The following PHACTR4 variants were observed in gnomAD, a reference collection of about 807,000 sequenced individuals.
PHACTR4 encodes the protein protein phosphatase 1, regulatory subunit 124.
PHACTR4 carries 51 observed loss-of-function variants against 72.7 expected under a neutral mutation model. The ratio of observed to expected loss-of-function variants is 0.70; its 90% CI spans 0.56 to 0.89. The LOEUF is 0.89. PHACTR4 is among the 40% of genes least tolerant of loss of function. The pLI is 0.00. For synonymous variants in PHACTR4, 255 were observed against 302.5 expected (o/e 0.84, Z 1.63); for missense variants, 731 against 861.8 (o/e 0.85, Z 1.90).
At chr1:28,440,307 G>GAAAAAAAAAAAAAAAAAAAAAAAAAAAAA (rs1206889147) in intron 2 of PHACTR4, among the ~76,000 whole-genome samples, 1 of 82,116 alleles carries the variant, frequency 1.2e-5, no homozygotes, top group Non-Finnish European at 2.2e-5. Flanking sequence ...GTCTCAAAAA[G>GAAAAAAAAAAAAAAAAAAAAAAAAAAAAA]AAAAAAAAAA....
intron 4 of PHACTR4, among the ~76,000 whole-genome samples, chr1:28,463,195 G>GT (rs889476599): frequency 7.5e-4 from 110 of 147,018 alleles, no homozygotes; most frequent in African/African-American, 1.3e-3. Flanking sequence ...GTGAGACCCT[G>GT]TTTTTTTTTT....
intron 2 of PHACTR4, among the ~76,000 whole-genome samples, chr1:28,427,649 G>A (rs61783833): frequency 0.13 from 20,010 of 152,092 alleles, 1,520 homozygotes; most frequent in Non-Finnish European, 0.16. Flanking sequence ...AGGCCCTTCC[G>A]CTCACCCAGT....
intron 2 of PHACTR4, among the ~76,000 whole-genome samples, chr1:28,434,874 G>C (rs542349434): frequency 1.3e-5 from 2 of 151,064 alleles, no homozygotes; most frequent in East Asian, 4.0e-4. Context: ...ATTTAAATTT[G>C]GCAGATGGTT....
intron 10 of PHACTR4, among the ~76,000 whole-genome samples, chr1:28,490,128 A>C (rs898908937): frequency 6.6e-6 from 1 of 152,344 alleles, no homozygotes; most frequent in East Asian, 1.9e-4. Flanking sequence ...TGTGAAGACT[A>C]TTCTTAGTTC....
intron 1 of PHACTR4, 63 bp from the exon 2 acceptor site, chr1:28,407,347 A>T: frequency 2.4e-6 from 2 of 830,804 alleles, no homozygotes; most frequent in Non-Finnish European, 3.8e-6. Context: ...TTATTTTTTT[A>T]AAAGCATAAA....
intron 2 of PHACTR4, among the ~76,000 whole-genome samples, chr1:28,422,051 C>G (rs1235581275): frequency 6.6e-6 from 1 of 152,186 alleles, no homozygotes; most frequent in African/African-American, 2.4e-5. Flanking sequence ...GTTACATTTT[C>G]AGCTCTCAAA....
At chr1:28,371,458 C>G (rs1312085441) in intron 1 of PHACTR4, among the ~76,000 whole-genome samples, 1 of 151,908 alleles carries the variant, frequency 6.6e-6, no homozygotes, top group Non-Finnish European at 1.5e-5. Context: ...CCATGCCCAG[C>G]TAGTTTTTGT....
At chr1:28,449,817 C>G (rs1037572442) in intron 2 of PHACTR4, among the ~76,000 whole-genome samples, 1 of 151,472 alleles carries the variant, frequency 6.6e-6, no homozygotes, top group Non-Finnish European at 1.5e-5. Context: ...GTGCCATTGC[C>G]CTCCAGCCAG....
chr1:28,380,753 A>G (rs186119210), intron 1 of PHACTR4, among the ~76,000 whole-genome samples: 208 of 152,100 alleles, frequency 1.4e-3, no homozygotes, highest in African/African-American at 4.7e-3. Flanking sequence ...TTTGATGGGC[A>G]TTTAGGTTGA....
intron 4 of PHACTR4, among the ~76,000 whole-genome samples, chr1:28,464,767 A>G (rs1022377722): frequency 7.2e-5 from 11 of 151,850 alleles, no homozygotes; most frequent in Non-Finnish European, 1.2e-4. Context: ...GCAATGACAC[A>G]ATCTTGGCTT....
rs184537145 is a variant in PHACTR4 at position 28,485,851 on chromosome 1, A to G, written c.1761-3319A>G. 5.3e-3 allele frequency among the ~76,000 whole-genome samples: 766 copies of G among 144,616 alleles called. 4 individuals are homozygous for G. The highest frequency in any genetic ancestry group is 0.019 in the African/African-American group (719 of 38,682). 94.9% of individuals were successfully genotyped at this position (144,616 alleles called of 152,430 possible). ...GAGGCAGAGGTTGCAATGAGCCAAG[A>G]TCACGCCACTGCACTCCAGCCTGGG... On this transcript the variant is annotated intron_variant, in intron 9 of 13. Transcript: ENST00000373839.
At chr1:28,373,736 A>G (rs748727752) in intron 1 of PHACTR4, among the ~76,000 whole-genome samples, 8 of 152,126 alleles carry the variant, frequency 5.3e-5, no homozygotes, top group Non-Finnish European at 8.8e-5. Context: ...TCCCAGTACC[A>G]TTTTTTAAAC....
At chr1:28,474,893 T>C (rs906851804) in intron 7 of PHACTR4, among the ~76,000 whole-genome samples, 1 of 152,076 alleles carries the variant, frequency 6.6e-6, no homozygotes, top group African/African-American at 2.4e-5. Context: ...GAATAAGTTA[T>C]AGAATTTGGA....
At chr1:28,443,195 C>G (rs1423016296) in intron 2 of PHACTR4, among the ~76,000 whole-genome samples, 1 of 152,084 alleles carries the variant, frequency 6.6e-6, no homozygotes, top group Admixed American at 6.6e-5. Flanking sequence ...CTTCCTGTTC[C>G]TAGCTTATTT....
chr1:28,440,366 A>G lies in PHACTR4; in HGVS notation c.17-18719A>G, dbSNP rs376571556. On this transcript the variant is annotated intron_variant, in intron 2 of 13. Transcript: ENST00000373839. ...ACGTTTGGTATTTGTATGCTTCTGAAAAAAAGTAAGAATCAAATTCATCAA... is the reference window on the plus strand; with the variant it reads ...ACGTTTGGTATTTGTATGCTTCTGAGAAAAAGTAAGAATCAAATTCATCAA... Among the ~76,000 whole-genome samples, 4 of 149,228 alleles carry G rather than the reference A, an allele frequency of 2.7e-5. No homozygotes were observed. The South Asian group carries it at 6.3e-4, about 24-fold the overall frequency.
At chr1:28,479,659 G>A (rs1009537439) in intron 8 of PHACTR4, among the ~76,000 whole-genome samples, 2 of 151,906 alleles carry the variant, frequency 1.3e-5, no homozygotes, top group Non-Finnish European at 2.9e-5. Context: ...GCCGAGGTGG[G>A]TGGATCACCT....
intron 2 of PHACTR4, among the ~76,000 whole-genome samples, chr1:28,422,320 A>T (rs1029082133): frequency 3.3e-5 from 5 of 152,212 alleles, no homozygotes; most frequent in South Asian, 2.1e-4. Flanking sequence ...TGCAATTTTT[A>T]AAAAATACAG....
At chr1:28,471,363 A>G (rs1259520527) in intron 6 of PHACTR4, among the ~76,000 whole-genome samples, 2 of 152,158 alleles carry the variant, frequency 1.3e-5, no homozygotes, top group Non-Finnish European at 2.9e-5. Context: ...AGAAAAAAAT[A>G]ATTAGCTAGC....
At chr1:28,401,468 G>A (rs566397005) in intron 1 of PHACTR4, among the ~76,000 whole-genome samples, 30 of 151,558 alleles carry the variant, frequency 2.0e-4, no homozygotes, top group Admixed American at 1.6e-3. Context: ...CACCATGCCC[G>A]GCTAATTTTT....
Sources: allele counts gnomAD v4.1 joint callset (sites outside exome capture counted in the v4.1 genomes callset), GRCh38; gene constraint gnomAD v4.1.1; transcripts MANE v1.5; gene names NCBI Gene and HGNC (gene_info 2026-07-23, HGNC 2026-07-21).